XKR9: variants seen among roughly 807,000 people sequenced by gnomAD.
XKR9 encodes XK-related protein 9.
In XKR9, 32 loss-of-function variants were observed where a neutral mutation model predicts 32.0. The observed-to-expected ratio is 1.00, with a 90% confidence interval of 0.76 to 1.34. The LOEUF is 1.34. Ranked by LOEUF, XKR9 falls within the 40% of genes most tolerant of loss-of-function variation. The pLI, the probability that XKR9 is intolerant of heterozygous loss-of-function variation, is 0.00. For synonymous variants in XKR9, 168 were observed against 143.4 expected (o/e 1.17, Z -1.22); for missense variants, 546 against 429.7 (o/e 1.27, Z -2.39).
chr8:70,985,743 A>G, the XKR9 span, among the ~76,000 whole-genome samples: 1 of 152,208 alleles, frequency 6.6e-6, no homozygotes, highest in Admixed American at 6.5e-5. Context: ...AATAAAAACA[A>G]GAACAAATAT....
At chr8:70,993,460 G>A in the XKR9 span, among the ~76,000 whole-genome samples, 1 of 152,036 alleles carries the variant, frequency 6.6e-6, no homozygotes, top group African/African-American at 2.4e-5. Context: ...CCCTGACAGT[G>A]TCCCAAAAAT....
chr8:71,026,699 C>T, the XKR9 span, among the ~76,000 whole-genome samples: 2 of 152,106 alleles, frequency 1.3e-5, no homozygotes, highest in East Asian at 1.9e-4. Flanking sequence ...TCAGCTGAAA[C>T]GTTTTCTTCT....
intron 4 of XKR9, among the ~76,000 whole-genome samples, chr8:70,707,477 A>G (rs1040880363): frequency 6.6e-6 from 1 of 151,980 alleles, no homozygotes; most frequent in East Asian, 1.9e-4. Flanking sequence ...TGTGCCTCAT[A>G]GTATATCTTG....
the XKR9 span, among the ~76,000 whole-genome samples, chr8:70,857,731 A>G: frequency 6.6e-6 from 1 of 152,188 alleles, no homozygotes; most frequent in Non-Finnish European, 1.5e-5. Context: ...ATACTGGGAA[A>G]CCGAATCCAG....
At chr8:70,874,283 G>A in the XKR9 span, among the ~76,000 whole-genome samples, 6 of 151,980 alleles carry the variant, frequency 3.9e-5, no homozygotes, top group African/African-American at 7.3e-5. Flanking sequence ...AGTAAATAAC[G>A]TATGAAGGTT....
downstream of XKR9, among the ~76,000 whole-genome samples, chr8:70,739,135 T>A (rs1385855836): frequency 6.6e-6 from 1 of 152,118 alleles, no homozygotes; most frequent in African/African-American, 2.4e-5. Flanking sequence ...GGACTTGCTT[T>A]ATGAATCTGG....
rs370344002 is a variant in XKR9, at chr8:70,789,986, C to A, written n.476-95C>A. ...TCCATCCACATGAGCGCTCTAGTCT[C>A]CAGAGATAAGAACAGCTATACTCAC... On this transcript the variant is annotated intron_variant and non_coding_transcript_variant, in intron 3 of 3. Coordinates refer to the XKR9 transcript ENST00000520273. 4.6e-5 allele frequency: 7 copies of A among 151,916 alleles called. No individual in the cohort carries two copies. In the East Asian group the frequency reaches 7.7e-4, roughly 17 times the overall value. The allele number at this position is 151,916 out of a possible 1,614,324, so 9.4% of individuals were successfully genotyped here. A position where few individuals can be genotyped will look rare whatever the true frequency, so the allele number is the denominator to read the frequency against.
chr8:71,053,325 C>G, the XKR9 span, among the ~76,000 whole-genome samples: 1 of 152,176 alleles, frequency 6.6e-6, no homozygotes, highest in Non-Finnish European at 1.5e-5. Context: ...CCAGGTGAAT[C>G]TGATGTGAAG....
chr8:70,735,967 G>T (rs1469069995), downstream of XKR9: 1 of 151,916 alleles, frequency 6.6e-6, no homozygotes, highest in Non-Finnish European at 1.5e-5. Flanking sequence ...ATAATCCTTT[G>T]GGTATATACC....
intron 2 of XKR9, among the ~76,000 whole-genome samples, chr8:70,762,531 G>A (rs1384731840): frequency 1.3e-5 from 2 of 152,208 alleles, no homozygotes; most frequent in African/African-American, 4.8e-5. Flanking sequence ...TCTAACGCCA[G>A]ATGATCTAAG....
chr8:70,747,334 C>G (rs1006796501), intron 2 of XKR9, among the ~76,000 whole-genome samples: 1 of 152,194 alleles, frequency 6.6e-6, no homozygotes, highest in Non-Finnish European at 1.5e-5. Context: ...AATCTCCAAA[C>G]TGCTTTCCAC....
the XKR9 span, among the ~76,000 whole-genome samples, chr8:70,938,857 TA>T: frequency 1.3e-5 from 2 of 151,968 alleles, no homozygotes; most frequent in African/African-American, 4.8e-5. Flanking sequence ...TGTAGGGGGC[TA>T]GGGGTATAGA....
the XKR9 span, among the ~76,000 whole-genome samples, chr8:71,028,516 A>G: frequency 5.9e-5 from 9 of 152,160 alleles, no homozygotes; most frequent in Non-Finnish European, 1.0e-4. Context: ...GTTGCTGGTC[A>G]AAGGGTACAA....
At chr8:70,907,467 G>A in the XKR9 span, among the ~76,000 whole-genome samples, 1 of 152,096 alleles carries the variant, frequency 6.6e-6, no homozygotes, top group Non-Finnish European at 1.5e-5. Context: ...TTTATACCTT[G>A]CTGTATTCAT....
chr8:70,693,693 GGAA>G (rs1215605131), intron 3 of XKR9, among the ~76,000 whole-genome samples: 1 of 152,210 alleles, frequency 6.6e-6, no homozygotes, highest in Non-Finnish European at 1.5e-5. Context: ...AGCCCAAGAC[GGAA>G]GGTTTGTGCT....
At chr8:71,059,257 C>G in the XKR9 span, among the ~76,000 whole-genome samples, 1 of 152,250 alleles carries the variant, frequency 6.6e-6, no homozygotes, top group African/African-American at 2.4e-5. Context: ...TAGCAGCACA[C>G]TGTCACAGAA....
the XKR9 span, among the ~76,000 whole-genome samples, chr8:70,825,766 CT>C: frequency 6.6e-5 from 10 of 152,162 alleles, no homozygotes; most frequent in Admixed American, 6.5e-4. Flanking sequence ...TATTAGACAC[CT>C]GGATACTTAA....
chr8:70,706,148 G>A (rs1388812916), intron 3 of XKR9, among the ~76,000 whole-genome samples: 1 of 152,102 alleles, frequency 6.6e-6, no homozygotes, highest in African/African-American at 2.4e-5. Flanking sequence ...CATATATAAA[G>A]ACTTTTGATA....
intron 2 of XKR9, among the ~76,000 whole-genome samples, chr8:70,765,362 C>G (rs1807361596): frequency 6.6e-6 from 1 of 152,118 alleles, no homozygotes; most frequent in African/African-American, 2.4e-5. Context: ...AGCTTTTTAT[C>G]ATGTTTGTTG....
Sources: allele counts gnomAD v4.1 joint callset (sites outside exome capture counted in the v4.1 genomes callset), GRCh38; gene constraint gnomAD v4.1.1; transcripts MANE v1.5; gene names NCBI Gene and HGNC (gene_info 2026-07-23, HGNC 2026-07-21).